TPP2: variants seen among roughly 807,000 people sequenced by gnomAD.
TPP2 encodes the protein tripeptidyl-peptidase 2.
Under a neutral mutation model 155.9 loss-of-function variants are expected in TPP2, and 34 were observed. The observed-to-expected ratio is 0.22, with a 90% CI of 0.17 to 0.29. TPP2 has a LOEUF of 0.29. Among genes scored for constraint, TPP2 ranks in the 10% least tolerant of loss-of-function variants. TPP2 has a pLI of 1.00. For missense variants in TPP2, 1,028 were observed against 1,522.3 expected (o/e 0.68, Z 5.40); for synonymous variants, 510 against 529.4 (o/e 0.96, Z 0.50).
intron 4 of TPP2, among the ~76,000 whole-genome samples, chr13:102,617,658 C>T (rs1880847322): frequency 6.6e-6 from 1 of 152,238 alleles, no homozygotes; most frequent in African/African-American, 2.4e-5. Flanking sequence ...ATCCATATTT[C>T]TTCCCTCTAG....
chr13:102,648,614 A>G (rs918681361), intron 21 of TPP2, among the ~76,000 whole-genome samples: 1 of 152,076 alleles, frequency 6.6e-6, no homozygotes, highest in African/African-American at 2.4e-5. Flanking sequence ...GTGTGGGAGT[A>G]TTCTGTCGTT....
chr13:102,604,304 A>G (rs1879651574), intron 1 of TPP2, among the ~76,000 whole-genome samples: 1 of 152,206 alleles, frequency 6.6e-6, no homozygotes, highest in African/African-American at 2.4e-5. Context: ...TTCCTTGACC[A>G]GCCAAACTTA....
At chr13:102,618,215 A>T (rs540212699) in intron 4 of TPP2, among the ~76,000 whole-genome samples, 2 of 152,330 alleles carry the variant, frequency 1.3e-5, no homozygotes, top group South Asian at 4.1e-4. Flanking sequence ...ACTTACCCCC[A>T]TTAAATGCTT....
At chr13:102,623,793 T>TG (rs1293965990) in intron 6 of TPP2, among the ~76,000 whole-genome samples, 1 of 152,178 alleles carries the variant, frequency 6.6e-6, no homozygotes, top group African/African-American at 2.4e-5. Flanking sequence ...CTTTGGTATC[T>TG]GGGGGGATTG....
In TPP2 at chr13:102,627,186, T is replaced by G; in HGVS notation, c.939+20T>G. 6.5e-7 allele frequency: 1 copy of G among 1,546,106 alleles called. No homozygotes were observed. Among genetic ancestry groups the G allele is most frequent in the Non-Finnish European group, 8.7e-7 (1 of 1,149,402 alleles). ...AGAGCTGTGAGTGTTTGTGAGTTGT[T>G]GATTCAGAAGATTAATGATTAATGA... On this transcript the variant is annotated intron_variant, in intron 7 of 29. Coordinates refer to ENST00000376052, the MANE Select transcript of TPP2 (RefSeq NM_001330588.2).
intron 25 of TPP2, 27 bp from the exon 26 acceptor site, chr13:102,663,621 A>G: frequency 1.3e-6 from 2 of 1,503,248 alleles, no homozygotes; most frequent in South Asian, 2.5e-5. Context: ...AAAAAAGTAA[A>G]TATTTCTCTC....
At chr13:102,646,895 G>T (rs1388954554) in intron 20 of TPP2, among the ~76,000 whole-genome samples, 1 of 152,182 alleles carries the variant, frequency 6.6e-6, no homozygotes, top group Non-Finnish European at 1.5e-5. Flanking sequence ...TGGTTATAAT[G>T]TTAGGGAAAT....
rs772882375 is a variant in TPP2 at position 102,640,346 on chromosome 13, A to T, written c.1990A>T (p.Ile664Phe). 15 of 1,613,686 alleles carry T rather than the reference A, an allele frequency of 9.3e-6. No individual in the cohort carries two copies. Among genetic ancestry groups the T allele is most frequent in the Non-Finnish European group, 1.3e-5 (15 of 1,179,746 alleles). The change falls in exon 16 of 30, where the codon ATT becomes TTT. Residue 664 changes from isoleucine (I) to phenylalanine (F), a missense_variant. Coordinates refer to ENST00000376052, the MANE Select transcript of TPP2 (RefSeq NM_001330588.2). Reference protein sequence around the residue: ...FKPGQIRRHFIEVPEGATWAE... With the variant: ...FKPGQIRRHFFEVPEGATWAE... ...ACCTGGTCAAATTCGAAGGCATTTT[A>T]TTGAGGTTCCTGAGGGTGCAACATG...
At chr13:102,609,765 A>AC (rs1880134225) in intron 2 of TPP2, among the ~76,000 whole-genome samples, 1 of 151,794 alleles carries the variant, frequency 6.6e-6, no homozygotes, top group South Asian at 2.1e-4. Flanking sequence ...GGGGAAATCC[A>AC]CCCCCATGAT....
intron 2 of TPP2, among the ~76,000 whole-genome samples, chr13:102,610,103 A>G (rs1329064005): frequency 6.6e-6 from 1 of 152,200 alleles, no homozygotes; most frequent in Non-Finnish European, 1.5e-5. Flanking sequence ...AAAAGGAAGA[A>G]TTATTAATCA....
chr13:102,608,946 A>T (rs1254997602), intron 2 of TPP2, among the ~76,000 whole-genome samples: 1 of 152,214 alleles, frequency 6.6e-6, no homozygotes, highest in Non-Finnish European at 1.5e-5. Context: ...GGTGGGTTTC[A>T]CTATAGGGTA....
rs1228550613 is a variant in TPP2, at chr13:102,626,566, A to G, written c.785-446A>G. Among the ~76,000 whole-genome samples, 4 of 152,220 alleles carry G rather than the reference A, an allele frequency of 2.6e-5. No homozygotes were observed. In the East Asian group the frequency reaches 7.7e-4, roughly 29 times the overall value. On this transcript the variant is annotated intron_variant, in intron 6 of 29. Coordinates refer to ENST00000376052, the MANE Select transcript of TPP2 (RefSeq NM_001330588.2). ...TGTGGCAGTGTTCAGCTTTCACTCC[A>G]GCCAGCAGTGTATGATATGTACTTC...
In TPP2 at chr13:102,663,651, G is replaced by A. The variant is rs764838568; in HGVS notation, c.3147G>A (p.Leu1049=). The A allele has an allele frequency of 6.3e-7, 1 of 1,595,704 alleles. No individual in the cohort carries two copies. Among genetic ancestry groups the A allele is most frequent in the Admixed American group, 1.8e-5 (1 of 56,762 alleles). The change falls in exon 26 of 30, where the codon CTG becomes CTA. Residue 1049 remains leucine (L), a synonymous_variant. Coordinates refer to ENST00000376052, the MANE Select transcript of TPP2 (RefSeq NM_001330588.2). ...RDLKIQWMTK[L]DSSDIYNELK... The stretch of plus-strand genomic sequence containing the variant: ...TCTCTCCTTCTTACATACATAGGCT[G>A]GATTCTAGTGACATTTATAACGAAT...
chr13:102,639,796 G>A (rs1595175609), intron 15 of TPP2, among the ~76,000 whole-genome samples: 1 of 152,258 alleles, frequency 6.6e-6, no homozygotes, highest in South Asian at 2.1e-4. Flanking sequence ...AAAGTGCTTT[G>A]AAAGTAGTTT....
At chr13:102,663,042 T>A (rs917230207) in intron 25 of TPP2, among the ~76,000 whole-genome samples, 3 of 152,042 alleles carry the variant, frequency 2.0e-5, no homozygotes, top group Admixed American at 1.3e-4. Context: ...TAATAGCTGG[T>A]ATGTAAGAAA....
chr13:102,631,556 A>G (rs1476967299), intron 10 of TPP2: 1 of 152,260 alleles, frequency 6.6e-6, no homozygotes, highest in Non-Finnish European at 1.5e-5. Context: ...TTTAAGTTTT[A>G]TCTTATTGTC....
Position 102,673,737 on chromosome 13 carries a change from C to G in TPP2, c.3372-546C>G, listed in dbSNP as rs555727524. ...TAGTCTCTTTGGGCCACAGTTTCTT[C>G]CTTTGCAACATGGCAGTAATTAATA... On this transcript the variant is annotated intron_variant, in intron 27 of 29. Transcript: ENST00000376052. Among the ~76,000 whole-genome samples, 3 of 152,324 alleles carry G rather than the reference C, an allele frequency of 2.0e-5. No homozygotes were observed. The East Asian group carries it at 5.8e-4, about 29-fold the overall frequency.
chr13:102,604,538 G>A (rs1311445942), intron 1 of TPP2, among the ~76,000 whole-genome samples: 1 of 152,092 alleles, frequency 6.6e-6, no homozygotes, highest in African/African-American at 2.4e-5. Flanking sequence ...CCTAAAATAG[G>A]GTGTGGTCTA....
chr13:102,621,958 C>T (rs1346199822), intron 5 of TPP2, among the ~76,000 whole-genome samples: 1 of 152,160 alleles, frequency 6.6e-6, no homozygotes, highest in Admixed American at 6.5e-5. Context: ...GCTTCATTTT[C>T]TCCATAAGTG....
Sources: gnomAD v4.1 joint callset for allele counts (sites outside exome capture counted in the v4.1 genomes callset) on GRCh38, gnomAD v4.1.1 for gene constraint, MANE v1.5 for transcripts, NCBI Gene and HGNC (gene_info 2026-07-23, HGNC 2026-07-21) for gene names.